The following GPC5 variants were observed in gnomAD, a reference collection of about 807,000 sequenced individuals.
GPC5 encodes the protein glypican 5, also known as glypican-5.
A neutral mutation model predicts 53.9 loss-of-function variants in GPC5; 47 were observed. That is an observed-to-expected ratio of 0.87 (90% CI 0.69 to 1.11). The LOEUF (loss-of-function observed/expected upper bound fraction) is 1.11. Among genes scored for constraint, GPC5 ranks in the 50% most tolerant of loss-of-function variants. GPC5 has a pLI of 0.00. For synonymous variants in GPC5, 286 were observed against 263.3 expected (o/e 1.09, Z -0.84); for missense variants, 748 against 713.1 (o/e 1.05, Z -0.56).
At chr13:92,475,566 T>G (rs188826951) in intron 7 of GPC5, among the ~76,000 whole-genome samples, 1 of 152,084 alleles carries the variant, frequency 6.6e-6, no homozygotes, top group East Asian at 1.9e-4. Context: ...TCCTGAGACT[T>G]TGCTGAAGTT....
At chr13:92,603,001 G>T (rs1316003494) in intron 7 of GPC5, among the ~76,000 whole-genome samples, 1 of 152,192 alleles carries the variant, frequency 6.6e-6, no homozygotes, top group Admixed American at 6.5e-5. Flanking sequence ...GATAGCATGT[G>T]CAAAGTGTTG....
At chr13:91,973,884 G>A (rs2040269468) in intron 6 of GPC5, among the ~76,000 whole-genome samples, 1 of 152,216 alleles carries the variant, frequency 6.6e-6, no homozygotes, top group Admixed American at 6.5e-5. Context: ...TGAGGTGTCA[G>A]TCTGCCCCTA....
rs563906500 is a variant in GPC5, at chr13:91,778,364, ATCT to A, written c.1280+21950_1280+21952del. Among the ~76,000 whole-genome samples the A allele has an allele frequency of 3.5e-4, 54 of 152,300 alleles. No individual in the cohort carries two copies. The South Asian group carries it at 0.011, about 30-fold the overall frequency. On this transcript the variant is annotated intron_variant, in intron 5 of 7. Transcript: ENST00000377067. ...ACCAAAGATTCTGGAGTTGGTCTCC[ATCT>A]TCTTCACTTTCAGATTCAATGGTTA...
At chr13:92,316,411 T>C (rs893357356) in intron 7 of GPC5, among the ~76,000 whole-genome samples, 1 of 152,180 alleles carries the variant, frequency 6.6e-6, no homozygotes, top group African/African-American at 2.4e-5. Context: ...GCTTCTAGCA[T>C]TAAGCAGTCA....
At chr13:92,053,569 T>C (rs552999402) in intron 6 of GPC5, among the ~76,000 whole-genome samples, 1 of 152,288 alleles carries the variant, frequency 6.6e-6, no homozygotes, top group East Asian at 1.9e-4. Flanking sequence ...TTTCTCTTCC[T>C]ATATTTGTTT....
At chr13:92,592,566 G>T (rs1003346362) in intron 7 of GPC5, among the ~76,000 whole-genome samples, 1 of 151,196 alleles carries the variant, frequency 6.6e-6, no homozygotes, top group African/African-American at 2.4e-5. Context: ...AATAGAAATA[G>T]AAAATAAACA....
chr13:92,199,445 G>T (rs1448405125), intron 7 of GPC5, among the ~76,000 whole-genome samples: 22 of 152,010 alleles, frequency 1.4e-4, no homozygotes, highest in Non-Finnish European at 2.4e-4. Flanking sequence ...ATAGAAAATG[G>T]TTAATTCTCA....
intron 6 of GPC5, among the ~76,000 whole-genome samples, chr13:92,104,248 T>G (rs2041489921): frequency 6.6e-6 from 1 of 152,102 alleles, no homozygotes; most frequent in South Asian, 2.1e-4. Flanking sequence ...ATTTTGGGGT[T>G]TGTTTTGAAG....
chr13:92,723,866 T>C (rs1363751177), intron 7 of GPC5, among the ~76,000 whole-genome samples: 1 of 151,638 alleles, frequency 6.6e-6, no homozygotes, highest in Admixed American at 6.6e-5. Context: ...AAATCTATTA[T>C]AGTATGATAG....
chr13:92,740,901 TATA>T (rs747606172), intron 7 of GPC5, among the ~76,000 whole-genome samples: 7,634 of 64,198 alleles, frequency 0.12, 547 homozygotes, highest in East Asian at 0.57. Flanking sequence ...TTTATTTATA[TATA>T]TATATATATA....
rs200792684 is a variant in GPC5 at position 92,429,679 on chromosome 13, T to C, written c.1561+284690T>C. On this transcript the variant is annotated intron_variant, in intron 7 of 7. Transcript: ENST00000377067. ...GAAATTTTACTTTTCAGAAGTTATA[T>C]AAAAATCTAGAATTTGGATGTATAT... Among the ~76,000 whole-genome samples, 7 of 152,182 alleles carry C rather than the reference T, an allele frequency of 4.6e-5. No individual in the cohort carries two copies. The East Asian group carries it at 1.4e-3, about 29-fold the overall frequency.
chr13:92,775,937 A>C (rs187932489), intron 7 of GPC5, among the ~76,000 whole-genome samples: 2 of 152,346 alleles, frequency 1.3e-5, no homozygotes, highest in African/African-American at 4.8e-5. Flanking sequence ...GGCAAGAATA[A>C]GATGGATTTA....
At chr13:92,423,572 T>C (rs574262142) in intron 7 of GPC5, among the ~76,000 whole-genome samples, 23 of 152,296 alleles carry the variant, frequency 1.5e-4, no homozygotes, top group African/African-American at 5.5e-4. Context: ...CACCAAAGCA[T>C]AGAAAAGGAT....
At chr13:92,618,952 A>G (rs1204347955) in intron 7 of GPC5, among the ~76,000 whole-genome samples, 3 of 151,994 alleles carry the variant, frequency 2.0e-5, no homozygotes, top group Non-Finnish European at 4.4e-5. Flanking sequence ...CATGTTCAGT[A>G]ACCAAAAATA....
intron 6 of GPC5, among the ~76,000 whole-genome samples, chr13:91,936,894 T>C (rs568002782): frequency 6.6e-6 from 1 of 152,158 alleles, no homozygotes; most frequent in Admixed American, 6.6e-5. Context: ...CATTCTTCCC[T>C]GCTTACCACT....
At chr13:91,523,413 T>C (rs970167659) in intron 2 of GPC5, among the ~76,000 whole-genome samples, 1 of 152,224 alleles carries the variant, frequency 6.6e-6, no homozygotes, top group Non-Finnish European at 1.5e-5. Flanking sequence ...GGAAGGAAAT[T>C]CTGTCATTTG....
chr13:91,410,841 A>G (rs1877711516), intron 1 of GPC5, among the ~76,000 whole-genome samples: 1 of 152,086 alleles, frequency 6.6e-6, no homozygotes, highest in Non-Finnish European at 1.5e-5. Flanking sequence ...AGAACTAAAG[A>G]CTGGGCTTTT....
At chr13:92,611,282 A>T (rs1359878218) in intron 7 of GPC5, among the ~76,000 whole-genome samples, 1 of 152,174 alleles carries the variant, frequency 6.6e-6, no homozygotes, top group Admixed American at 6.6e-5. Flanking sequence ...ACAAAGAAAA[A>T]GAGGACTTTC....
At chr13:91,760,542 G>A (rs920399006) in intron 5 of GPC5, among the ~76,000 whole-genome samples, 1 of 152,132 alleles carries the variant, frequency 6.6e-6, no homozygotes, top group African/African-American at 2.4e-5. Flanking sequence ...CATTCTAGAG[G>A]AGTTAAGCCA....
Sources: gnomAD v4.1 joint callset for allele counts (sites outside exome capture counted in the v4.1 genomes callset) on GRCh38, gnomAD v4.1.1 for gene constraint, MANE v1.5 for transcripts, NCBI Gene and HGNC (gene_info 2026-07-23, HGNC 2026-07-21) for gene names.